The following RGS22 variants were observed in gnomAD, a reference collection of about 807,000 sequenced individuals.
RGS22 encodes regulator of G-protein signaling 22.
A neutral mutation model predicts 172.9 loss-of-function variants in RGS22; 148 were observed. The observed-to-expected ratio is 0.86, with a 90% CI of 0.75 to 0.98. The LOEUF (loss-of-function observed/expected upper bound fraction) is 0.98, where lower values mean the gene tolerates loss of function less well. RGS22 is among the 50% of genes least tolerant of loss of function. The pLI is 0.00. For synonymous variants in RGS22, 458 were observed against 480.2 expected, an observed-to-expected ratio of 0.95 and a Z score of 0.60; for missense variants, 1,347 against 1,440.8, an observed-to-expected ratio of 0.93 and a Z score of 1.05.
At position 100,038,826 on chromosome 8, in the gene RGS22, G is replaced by A. The variant is rs567189917; in HGVS notation, c.2166+105C>T. On this transcript the variant is annotated intron_variant, in intron 14 of 27. Transcript: ENST00000360863. ...ATCCCATGGCAACAATTTAATTGCT[G>A]CCTTTTTGCCTGCGATCCCAGATTT... 9.5e-5 allele frequency: 49 copies of A among 514,130 alleles called. No homozygotes were observed. The highest frequency in any genetic ancestry group is 1.5e-4 in the Non-Finnish European group (44 of 301,508). 31.8% of individuals were successfully genotyped at this position (514,130 alleles called of 1,614,324 possible).
intron 23 of RGS22, 100 bp from the exon 24 acceptor site, chr8:99,965,530 C>A: frequency 1.2e-6 from 1 of 823,664 alleles, no homozygotes; most frequent in Non-Finnish European, 1.9e-6. Flanking sequence ...CATAATATTT[C>A]ATAGTGAGTG....
rs74507968 is a variant in RGS22 at position 100,004,237 on chromosome 8, T to C, written c.2455-139A>G. On this transcript the variant is annotated intron_variant, in intron 16 of 27. Transcript: ENST00000360863. ...TCAATGGCAGAGTGGGTAAAGACTT[T>C]AGAATCTGGTAAAGAATCTGATTCA... 6.4e-3 allele frequency: 6,325 copies of C among 984,306 alleles called. 167 individuals carry two copies. In the African/African-American group the frequency reaches 0.069, roughly 11 times the overall value. 61.0% of individuals were successfully genotyped at this position (984,306 alleles called of 1,614,324 possible). A position where few individuals can be genotyped will look rare whatever the true frequency, so the allele number is the denominator to read the frequency against.
chr8:100,074,414 C>G (rs3101335), intron 4 of RGS22, among the ~76,000 whole-genome samples: 51,204 of 152,082 alleles, frequency 0.34, 9,947 homozygotes, highest in East Asian at 0.45. Flanking sequence ...TGTCCTCATG[C>G]CACTTTGTAG....
intron 17 of RGS22, chr8:100,003,192 C>T (rs2131338127): frequency 5.3e-6 from 1 of 187,014 alleles, no homozygotes; most frequent in Admixed American, 5.7e-5. Context: ...AGGATAAATG[C>T]TTGAGGGAAT....
intron 14 of RGS22, among the ~76,000 whole-genome samples, chr8:100,027,913 G>A (rs1818354937): frequency 6.6e-6 from 1 of 152,118 alleles, no homozygotes. Flanking sequence ...TAATAATACT[G>A]TTTATTCCAT....
intron 24 of RGS22, among the ~76,000 whole-genome samples, chr8:99,964,649 T>C (rs1810545342): frequency 6.6e-6 from 1 of 152,182 alleles, no homozygotes. Flanking sequence ...TCTCTTTCAG[T>C]ATACAGTTCC....
chr8:100,098,433 G>C (rs1057154789), intron 2 of RGS22, among the ~76,000 whole-genome samples: 2 of 152,208 alleles, frequency 1.3e-5, no homozygotes, highest in African/African-American at 2.4e-5. Flanking sequence ...AACACATCTT[G>C]TTGAAAGTAT....
In RGS22 at chr8:100,016,978, CTTTTTTTTTTTTTTTT is replaced by C. The variant is rs71274949; in HGVS notation, c.2167-8425_2167-8410del. Among the ~76,000 whole-genome samples, 186 of 36,124 alleles carry C rather than the reference CTTTTTTTTTTTTTTTT, an allele frequency of 5.1e-3. 1 individual carries two copies. Among genetic ancestry groups the C allele is most frequent in the Non-Finnish European group, 7.1e-3 (127 of 17,896 alleles). 23.7% of individuals were successfully genotyped at this position (36,124 alleles called of 152,430 possible). ...CCTACATCCCTGATTCCTTACCAGT[CTTTTTTTTTTTTTTTT>C]TTTTTTTTTTTTTTTTTTTTTTAAA... On this transcript the variant is annotated intron_variant, in intron 14 of 27. Transcript: ENST00000360863.
chr8:100,014,695 C>T (rs914221925), intron 14 of RGS22, among the ~76,000 whole-genome samples: 3 of 152,174 alleles, frequency 2.0e-5, no homozygotes, highest in African/African-American at 7.2e-5. Context: ...TAAAAGATGA[C>T]ACTCACTAAA....
intron 20 of RGS22, among the ~76,000 whole-genome samples, chr8:99,994,241 T>C (rs965739813): frequency 1.3e-5 from 2 of 152,078 alleles, no homozygotes; most frequent in Admixed American, 6.6e-5. Context: ...TCCTATTCAA[T>C]GTAGTGTTGG....
At position 100,002,341 on chromosome 8, in the gene RGS22, T is replaced by G. The variant is rs200893477; in HGVS notation, c.2651A>C (p.Asp884Ala). ...SSSMDLMCWT[D>A]IEQFRRITYR... The stretch of plus-strand genomic sequence containing the variant: ...AGTTATTCTCCGGAACTGCTCAATG[T>G]CTGTCCAGCACATAAGATCCATGCT... Residue 884 changes from aspartate to alanine, a missense_variant, in exon 18 of 28, where the codon GAC (aspartate) becomes GCC (alanine). Transcript: ENST00000360863. The G allele has an allele frequency of 2.0e-5, 33 of 1,610,402 alleles. No homozygotes were observed. Among genetic ancestry groups the G allele is most frequent in the Non-Finnish European group, 2.8e-5 (33 of 1,179,062 alleles).
intron 14 of RGS22, among the ~76,000 whole-genome samples, chr8:100,026,141 T>C (rs1818151533): frequency 6.6e-6 from 1 of 152,156 alleles, no homozygotes; most frequent in African/African-American, 2.4e-5. Context: ...TACTGGTTTG[T>C]ACACTATAAA....
chr8:100,046,290 T>C (rs994197647), intron 11 of RGS22: 7 of 152,086 alleles, frequency 4.6e-5, no homozygotes, highest in African/African-American at 1.7e-4. Context: ...AATAGCATTC[T>C]GAACCTCACT....
intron 9 of RGS22, 133 bp from the exon 10 acceptor site, chr8:100,053,109 C>G: frequency 1.3e-6 from 1 of 764,882 alleles, no homozygotes; most frequent in Non-Finnish European, 2.1e-6. Context: ...ACTTTTACTT[C>G]TTTCTCTACT....
chr8:100,076,667 C>T (rs1811370952), intron 4 of RGS22, among the ~76,000 whole-genome samples: 1 of 151,966 alleles, frequency 6.6e-6, no homozygotes, highest in Admixed American at 6.6e-5. Context: ...ATCTATATCC[C>T]CTTCAGTGAC....
At chr8:100,067,954 T>C (rs1439207443) in intron 6 of RGS22, among the ~76,000 whole-genome samples, 4 of 152,248 alleles carry the variant, frequency 2.6e-5, no homozygotes, top group African/African-American at 9.6e-5. Flanking sequence ...AATTGTTTTT[T>C]AGATGGTATA....
Position 100,105,412 on chromosome 8 carries a change from G to A in RGS22, c.26-10C>T, listed in dbSNP as rs372475933. 3.7e-6 allele frequency: 6 copies of A among 1,601,176 alleles called. No homozygotes were observed. In the African/African-American group the frequency reaches 6.7e-5, roughly 18 times the overall value. On this transcript the variant is annotated splice_polypyrimidine_tract_variant and intron_variant, in intron 1 of 27. Transcript: ENST00000360863. ...GTAATAGTTGGTGGCTCTGAAACAA[G>A]ACAAAATATTACATTATCTCCCTCA... is the stretch of plus-strand genomic sequence containing the variant.
intron 21 of RGS22, among the ~76,000 whole-genome samples, chr8:99,985,749 C>CA (rs1452360223): frequency 6.6e-6 from 1 of 152,106 alleles, no homozygotes; most frequent in Non-Finnish European, 1.5e-5. Flanking sequence ...AGACCAAGGG[C>CA]AGCCTTAAAG....
At chr8:100,047,666 A>G in intron 10 of RGS22, 70 bp from the exon 11 acceptor site, 1 of 1,368,388 alleles carries the variant, frequency 7.3e-7, no homozygotes, top group East Asian at 2.6e-5. Context: ...CTATACCTCA[A>G]ATTTGTTCTC....
Sources: allele counts gnomAD v4.1 joint callset (sites outside exome capture counted in the v4.1 genomes callset), GRCh38; gene constraint gnomAD v4.1.1; transcripts MANE v1.5; gene names NCBI Gene and HGNC (gene_info 2026-07-23, HGNC 2026-07-21).